The following CDH13 variants were observed in gnomAD, a reference collection of about 807,000 sequenced individuals.
CDH13 encodes cadherin 13.
CDH13 carries 24 observed loss-of-function variants against 63.8 expected under a neutral mutation model. The ratio of observed to expected loss-of-function variants is 0.38; its 90% CI spans 0.27 to 0.53. The LOEUF is 0.53. Among genes scored for constraint, CDH13 ranks in the 20% least tolerant of loss-of-function variants. The probability of loss-of-function intolerance (pLI) is 0.85; values close to 1 mark genes in which losing one functional copy is unlikely to be tolerated. For synonymous variants in CDH13, 503 were observed against 355.3 expected (o/e 1.42, Z -4.67); for missense variants, 1,049 against 903.1 (o/e 1.16, Z -2.07).
intron 4 of CDH13, among the ~76,000 whole-genome samples, chr16:83,129,704 G>A (rs2035967321): frequency 6.6e-6 from 1 of 152,164 alleles, no homozygotes; most frequent in African/African-American, 2.4e-5. Context: ...TGCACTCTGT[G>A]CACTGACGCG....
At chr16:82,909,252 ATGTGTGTGTGTGTGTGTGTGTGTGTG>A in intron 2 of CDH13, among the ~76,000 whole-genome samples, 1 of 146,948 alleles carries the variant, frequency 6.8e-6, no homozygotes, top group African/African-American at 2.5e-5. Flanking sequence ...CTGACTGTAT[ATGTGTGTGTGTGTGTGTGTGTGTGTG>A]TGTGTGTGTG....
intron 4 of CDH13, among the ~76,000 whole-genome samples, chr16:83,204,901 C>T (rs1338540294): frequency 1.3e-5 from 2 of 152,224 alleles, no homozygotes; most frequent in African/African-American, 2.4e-5. Context: ...CACTAGAGTT[C>T]CTAATGCTTT....
chr16:83,152,301 G>A (rs993666589), intron 4 of CDH13, among the ~76,000 whole-genome samples: 2 of 152,130 alleles, frequency 1.3e-5, no homozygotes, highest in African/African-American at 4.8e-5. Context: ...AAATAATAAG[G>A]TGGATGTGGA....
intron 2 of CDH13, among the ~76,000 whole-genome samples, chr16:82,879,450 T>A (rs1177799135): frequency 6.8e-6 from 1 of 146,128 alleles, no homozygotes; most frequent in African/African-American, 2.5e-5. Flanking sequence ...CCTATATATG[T>A]AGAAAAATAT....
chr16:82,847,372 C>A (rs1231107731), intron 1 of CDH13, among the ~76,000 whole-genome samples: 1 of 152,160 alleles, frequency 6.6e-6, no homozygotes, highest in Non-Finnish European at 1.5e-5. Flanking sequence ...GGGGAGAATT[C>A]CCTTTATGCC....
At chr16:82,855,242 C>A (rs528452041) in intron 1 of CDH13, among the ~76,000 whole-genome samples, 1 of 152,110 alleles carries the variant, frequency 6.6e-6, no homozygotes, top group South Asian at 2.1e-4. Context: ...ATGGGCCCTG[C>A]AAAGTAATCT....
At chr16:83,205,486 T>C (rs577573937) in intron 4 of CDH13, among the ~76,000 whole-genome samples, 3 of 152,148 alleles carry the variant, frequency 2.0e-5, no homozygotes, top group South Asian at 2.1e-4. Flanking sequence ...TGAGCAGTGG[T>C]CCCTTGAAGG....
chr16:83,787,054 A>T (rs1002147186), intron 13 of CDH13, among the ~76,000 whole-genome samples: 1 of 152,228 alleles, frequency 6.6e-6, no homozygotes. Context: ...ACTACACACA[A>T]ACTGACACAT....
intron 8 of CDH13, among the ~76,000 whole-genome samples, chr16:83,623,457 C>T (rs1398999664): frequency 6.6e-6 from 1 of 152,202 alleles, no homozygotes; most frequent in Non-Finnish European, 1.5e-5. Context: ...TCCTTGAGGG[C>T]AGACAGAGCT....
rs1909301573 is a variant in CDH13, at chr16:83,616,581, A to G, written c.1101+13987A>G. Among the ~76,000 whole-genome samples, 3 of 152,100 alleles carry G rather than the reference A, an allele frequency of 2.0e-5. No individual in the cohort carries two copies. The South Asian group carries it at 6.2e-4, about 32-fold the overall frequency. Reference sequence around the variant, plus strand: ...TATTCAAAGATAATATCCTCATACTAAGAGCAACAACCACAAAGCCATAAA... The same window carrying G: ...TATTCAAAGATAATATCCTCATACTGAGAGCAACAACCACAAAGCCATAAA... On this transcript the variant is annotated intron_variant, in intron 8 of 13. Transcript: ENST00000567109.
rs111571829 is a variant in CDH13 at position 83,105,139 on chromosome 16, C to T, written c.367-20246C>T. Among the ~76,000 whole-genome samples, 76 of 152,268 alleles carry T rather than the reference C, an allele frequency of 5.0e-4. No individual in the cohort carries two copies. In the Middle Eastern group the frequency reaches 0.01, roughly 20 times the overall value. ...AGATATGAAGCCCAGCATGCATTAG[C>T]TATTTTAAGAGGAGGATCGATTTCA... is the stretch of plus-strand genomic sequence containing the variant. On this transcript the variant is annotated intron_variant, in intron 3 of 13. Transcript: ENST00000567109.
chr16:83,568,914 C>T (rs1346670938), intron 7 of CDH13, among the ~76,000 whole-genome samples: 2 of 152,116 alleles, frequency 1.3e-5, no homozygotes, highest in Non-Finnish European at 2.9e-5. Flanking sequence ...TGCCTCTCTG[C>T]TCCCACTTCC....
At chr16:82,679,358 C>T (rs1597302237) in intron 1 of CDH13, among the ~76,000 whole-genome samples, 1 of 152,152 alleles carries the variant, frequency 6.6e-6, no homozygotes, top group East Asian at 1.9e-4. Context: ...GGCTGGGGAG[C>T]AGGGTAGCAG....
chr16:83,409,806 T>C (rs13339554), intron 6 of CDH13, among the ~76,000 whole-genome samples: 1,697 of 152,368 alleles, frequency 0.011, 30 homozygotes, highest in African/African-American at 0.039. Flanking sequence ...CAGATGATAT[T>C]TGATTCTTGG....
intron 2 of CDH13, among the ~76,000 whole-genome samples, chr16:83,029,783 C>G (rs548968825): frequency 2.5e-4 from 38 of 151,666 alleles, no homozygotes; most frequent in African/African-American, 8.8e-4. Context: ...GGTTGCTGGA[C>G]AGTTGGTTGT....
chr16:83,526,096 A>G (rs2151626169), intron 7 of CDH13, among the ~76,000 whole-genome samples: 1 of 152,332 alleles, frequency 6.6e-6, no homozygotes, highest in African/African-American at 2.4e-5. Context: ...TACAGTAGCA[A>G]TATGAAAGGG....
intron 7 of CDH13, among the ~76,000 whole-genome samples, chr16:83,531,737 T>C (rs1196778671): frequency 6.6e-6 from 1 of 152,156 alleles, no homozygotes; most frequent in African/African-American, 2.4e-5. Context: ...AGGCAAAATA[T>C]ACATTCTCTC....
intron 7 of CDH13, among the ~76,000 whole-genome samples, chr16:83,517,981 T>C (rs10468351): frequency 0.064 from 9,789 of 152,168 alleles, 368 homozygotes; most frequent in African/African-American, 0.084. Flanking sequence ...ACCCCAGTGA[T>C]ATTGTCTGGC....
intron 1 of CDH13, among the ~76,000 whole-genome samples, chr16:82,691,832 C>G (rs1045908720): frequency 2.6e-5 from 4 of 152,098 alleles, no homozygotes. Flanking sequence ...TGATGCTGGA[C>G]TAGCAGCAGC....
Sources: allele counts gnomAD v4.1 joint callset (sites outside exome capture counted in the v4.1 genomes callset), GRCh38; gene constraint gnomAD v4.1.1; transcripts MANE v1.5; gene names NCBI Gene and HGNC (gene_info 2026-07-23, HGNC 2026-07-21).